Variants in SLC27A4 observed in about 807,000 individuals in gnomAD.
SLC27A4 encodes the protein long-chain fatty acid transport protein 4.
Under a neutral mutation model 64.4 loss-of-function variants are expected in SLC27A4, and 33 were observed. The ratio of observed to expected loss-of-function variants is 0.51; its 90% CI spans 0.39 to 0.68. The LOEUF is 0.68. Ranked by LOEUF, SLC27A4 falls within the 30% of genes least tolerant of loss-of-function variation. The pLI is 0.00. For missense variants in SLC27A4, 824 were observed against 883.5 expected (o/e 0.93, Z 0.85); for synonymous variants, 377 against 370.0 (o/e 1.02, Z -0.22).
intron 12 of SLC27A4, among the ~76,000 whole-genome samples, chr9:128,357,742 T>C (rs1265311443): frequency 6.6e-6 from 1 of 152,214 alleles, no homozygotes; most frequent in Non-Finnish European, 1.5e-5. Context: ...GTGCCTCTTC[T>C]GGGCCCTCCC....
chr9:128,350,586 G>A lies in SLC27A4; in HGVS notation c.877+11G>A. ...TCTACCACTCAGCAGGTAACTCTAGGGCTGTCACACAGCCTCCAGCACCTG... is the reference window on the plus strand; with the variant it reads ...TCTACCACTCAGCAGGTAACTCTAGAGCTGTCACACAGCCTCCAGCACCTG... On this transcript the variant is annotated intron_variant, in intron 6 of 12. Transcript: ENST00000300456. 1.2e-6 allele frequency: 2 copies of A among 1,604,294 alleles called. No individual in the cohort carries two copies. The highest frequency in any genetic ancestry group is 1.7e-6 in the Non-Finnish European group (2 of 1,173,772).
At position 128,345,356 on chromosome 9, in the gene SLC27A4, G is replaced by T; in HGVS notation, c.363G>T (p.Arg121=). 1 of 1,613,776 alleles carries T rather than the reference G, an allele frequency of 6.2e-7. No homozygotes were observed. Among genetic ancestry groups the T allele is most frequent in the Non-Finnish European group, 8.5e-7 (1 of 1,180,010 alleles). The change falls in exon 3 of 13, where the codon CGG becomes CGT. Residue 121 remains arginine, a synonymous_variant. Transcript: ENST00000300456. This position sits in a 1 kb window ranked among gnomAD's most constrained non-coding sequence, Gnocchi z 4.1. ...SSSVANFLQA[R]GLASGDVAAI... ...GTGTAGCCAACTTCCTGCAGGCCCG[G>T]GGCCTGGCCTCGGGCGATGTGGCTG...
At chr9:128,342,419 A>C (rs1832589407) in intron 1 of SLC27A4, 1 of 1,602,954 alleles carries the variant, frequency 6.2e-7, no homozygotes, top group African/African-American at 1.3e-5. Flanking sequence ...TTGCCTTCTT[A>C]TTTTACTTCT....
chr9:128,360,194 T>G, intron 12 of SLC27A4, 140 bp from the exon 13 acceptor site: 1 of 979,292 alleles, frequency 1.0e-6, no homozygotes, highest in Admixed American at 1.8e-5. Context: ...TTGCAAACTG[T>G]AAAGGGCTGT....
chr9:128,344,386 G>T (rs1234664097), intron 2 of SLC27A4, among the ~76,000 whole-genome samples: 1 of 152,124 alleles, frequency 6.6e-6, no homozygotes, highest in African/African-American at 2.4e-5. Context: ...AGGCATGGTG[G>T]TGCACACCTG....
Position 128,353,222 on chromosome 9 carries a change from C to G in SLC27A4, c.1185C>G (p.Asn395Lys). 1 of 1,614,072 alleles carries G rather than the reference C, an allele frequency of 6.2e-7. No homozygotes were observed. The highest frequency in any genetic ancestry group is 8.5e-7 in the Non-Finnish European group (1 of 1,180,034). The change falls in exon 8 of 13, where the codon AAC becomes AAG. Residue 395 changes from asparagine (N) to lysine (K), a missense_variant. Transcript: ENST00000300456. This position sits in a 1 kb window ranked among gnomAD's most constrained non-coding sequence, Gnocchi z 4.9. ...CAGAGTGCAACTGTAGCCTGGGCAA[C>G]TTCGACAGCCAGGTGCGGCCAGGTT... The part of the protein sequence containing the change: ...GATECNCSLG[N>K]FDSQVGACGF...
At chr9:128,344,842 C>T (rs1832629354) in intron 2 of SLC27A4, among the ~76,000 whole-genome samples, 1 of 152,166 alleles carries the variant, frequency 6.6e-6, no homozygotes. Flanking sequence ...GAGTAGAACT[C>T]TGGAGCCAGA....
intron 12 of SLC27A4, among the ~76,000 whole-genome samples, chr9:128,359,507 C>T (rs1280962452): frequency 6.6e-6 from 1 of 152,222 alleles, no homozygotes; most frequent in Non-Finnish European, 1.5e-5. Context: ...TGCCTGTAAT[C>T]CCAGCTACTT....
rs373461078 is a variant in SLC27A4, at chr9:128,345,425, G to A, written c.432G>A (p.Leu144=). ...ENRNEFVGLW[L]GMAKLGVEAA... Reference sequence around the variant, plus strand: ...GCAATGAGTTCGTGGGCCTATGGCTGGGCATGGCCAAGCTCGGTGTGGAGG... The same window carrying A: ...GCAATGAGTTCGTGGGCCTATGGCTAGGCATGGCCAAGCTCGGTGTGGAGG... The change falls in exon 3 of 13, where the codon CTG becomes CTA. Residue 144 remains leucine, a synonymous_variant. Coordinates refer to ENST00000300456, the MANE Select transcript of SLC27A4 (RefSeq NM_005094.4). The surrounding 1 kb of genome is among the most constrained non-coding windows in gnomAD (Gnocchi z 4.1). The A allele has an allele frequency of 2.4e-5, 39 of 1,613,550 alleles. No individual in the cohort carries two copies. The Middle Eastern group carries it at 1.5e-3, about 61-fold the overall frequency.
intron 1 of SLC27A4, chr9:128,342,247 G>C: frequency 6.2e-7 from 1 of 1,610,818 alleles, no homozygotes; most frequent in Non-Finnish European, 8.5e-7. Flanking sequence ...TGACAAACCC[G>C]ATATGGCTGA....
intron 2 of SLC27A4, among the ~76,000 whole-genome samples, chr9:128,343,548 C>A (rs184453562): frequency 1.3e-5 from 2 of 152,286 alleles, no homozygotes; most frequent in Admixed American, 1.3e-4. Flanking sequence ...TGGCCTAGGA[C>A]GTACATTGAA....
chr9:128,351,669 A>G (rs1832738415), intron 6 of SLC27A4, among the ~76,000 whole-genome samples: 1 of 152,200 alleles, frequency 6.6e-6, no homozygotes, highest in African/African-American at 2.4e-5. Flanking sequence ...GTGAGCCTAG[A>G]TCGTGCCATT....
intron 3 of SLC27A4, among the ~76,000 whole-genome samples, chr9:128,347,828 G>T (rs1286325605): frequency 6.7e-6 from 1 of 149,734 alleles, no homozygotes; most frequent in Non-Finnish European, 1.5e-5. Flanking sequence ...TTCAAGACCT[G>T]CCTGGACAAT....
chr9:128,347,881 A>G (rs1219254838), intron 3 of SLC27A4, among the ~76,000 whole-genome samples: 1 of 142,828 alleles, frequency 7.0e-6, no homozygotes, highest in Non-Finnish European at 1.5e-5. Context: ...AAGCAAAAGA[A>G]AAAAAAAAAA....
intron 4 of SLC27A4, among the ~76,000 whole-genome samples, chr9:128,349,284 G>A (rs779396023): frequency 5.9e-5 from 9 of 152,164 alleles, no homozygotes; most frequent in Non-Finnish European, 1.2e-4. Context: ...GTGGCTCAGA[G>A]CTTGGGCTGT....
At chr9:128,344,907 C>T (rs1474923513) in intron 2 of SLC27A4, among the ~76,000 whole-genome samples, 1 of 152,134 alleles carries the variant, frequency 6.6e-6, no homozygotes, top group Non-Finnish European at 1.5e-5. Context: ...AAGCTTTGAG[C>T]AGGCCACGGC....
Position 128,360,739 on chromosome 9 carries a change from G to A in SLC27A4, c.*248G>A, listed in dbSNP as rs56363747. The A allele has an allele frequency of 3.9e-3, 2,059 of 533,484 alleles. 16 individuals carry two copies. Among genetic ancestry groups the A allele is most frequent in the Non-Finnish European group, 3.4e-3 (991 of 294,670 alleles). 33.0% of individuals were successfully genotyped at this position (533,484 alleles called of 1,614,324 possible). ...GCAGGCCCTCTGGTTCCCAGGCTGA[G>A]ACTGACGGGTTTTCTCAGGATGATG... is the stretch of plus-strand genomic sequence containing the variant. On this transcript the variant is annotated 3_prime_UTR_variant, in exon 13 of 13. Transcript: ENST00000300456.
rs939538925 is a variant in SLC27A4, at chr9:128,345,142, T to C, written c.162-13T>C. 6.2e-7 allele frequency: 1 copy of C among 1,613,268 alleles called. No individual in the cohort carries two copies. Among genetic ancestry groups the C allele is most frequent in the Non-Finnish European group, 8.5e-7 (1 of 1,180,012 alleles). On this transcript the variant is annotated splice_polypyrimidine_tract_variant and intron_variant, in intron 2 of 12. Coordinates refer to ENST00000300456, the MANE Select transcript of SLC27A4 (RefSeq NM_005094.4). This position sits in a 1 kb window ranked among gnomAD's most constrained non-coding sequence, Gnocchi z 4.1. The stretch of plus-strand genomic sequence containing the variant: ...CCATGGCAGACACAGCGCCCTCTCT[T>C]GTTCACACACAGTGGCGGCCTGGTC...
At position 128,340,834 on chromosome 9, in the gene SLC27A4, G is replaced by C. The variant is rs1410310601; in HGVS notation, c.-11G>C. The C allele has an allele frequency of 1.3e-5, 9 of 686,164 alleles. No individual in the cohort carries two copies. In the East Asian group the frequency reaches 2.3e-4, roughly 18 times the overall value. The allele number at this position is 686,164 out of a possible 1,614,324, so 42.5% of individuals were successfully genotyped here. ...CGGGGCGCCGCGCGGCGGAGCCGAC[G>C]CCGGGTGAGCATAGACCGGGCTGGT... On this transcript the variant is annotated 5_prime_UTR_variant, in exon 1 of 13. Transcript: ENST00000300456.
Sources: allele counts gnomAD v4.1 joint callset (sites outside exome capture counted in the v4.1 genomes callset), GRCh38; gene constraint gnomAD v4.1.1; non-coding constraint Gnocchi (gnomAD v3.1); transcripts MANE v1.5; gene names NCBI Gene and HGNC (gene_info 2026-07-23, HGNC 2026-07-21).